Variants in CMSS1 observed in about 807,000 individuals in gnomAD.
CMSS1 encodes the protein protein CMSS1.
A neutral mutation model predicts 43.5 loss-of-function variants in CMSS1; 33 were observed. The observed-to-expected ratio is 0.76, with a 90% CI of 0.57 to 1.01. The LOEUF is 1.01. CMSS1 is among the 50% of genes least tolerant of loss of function. The probability of loss-of-function intolerance (pLI) is 0.00; values close to 1 mark genes in which losing one functional copy is unlikely to be tolerated. For missense variants in CMSS1, 313 were observed against 326.4 expected (o/e 0.96, Z 0.32); for synonymous variants, 115 against 117.2 (o/e 0.98, Z 0.12).
chr3:100,145,590 A>C (rs1244752348), intron 1 of CMSS1, among the ~76,000 whole-genome samples: 2 of 152,216 alleles, frequency 1.3e-5, no homozygotes, highest in Non-Finnish European at 1.5e-5. Context: ...TCTTCATGGC[A>C]AGTTGACAAA....
At chr3:100,168,744 T>C (rs1012989757) in intron 6 of CMSS1, among the ~76,000 whole-genome samples, 3 of 151,746 alleles carry the variant, frequency 2.0e-5, no homozygotes, top group African/African-American at 7.3e-5. Context: ...TGTGTTGTTT[T>C]TTTTTTTAAC....
rs368055286 is a variant in CMSS1 at position 99,833,203 on chromosome 3, G to A, written c.64+15160G>A. The stretch of plus-strand genomic sequence containing the variant: ...CAGTTCAACATGAAGACTGGGATTT[G>A]GAATGCCTTAAAAGTCTGAAGGATG... On this transcript the variant is annotated intron_variant, in intron 1 of 9. Transcript: ENST00000421999. 5.6e-6 allele frequency: 9 copies of A among 1,597,810 alleles called. No individual in the cohort carries two copies. The African/African-American group carries it at 1.1e-4, about 19-fold the overall frequency.
At chr3:99,855,268 G>T (rs970989547) in intron 1 of CMSS1, among the ~76,000 whole-genome samples, 22 of 152,094 alleles carry the variant, frequency 1.4e-4, no homozygotes, top group African/African-American at 5.3e-4. Flanking sequence ...GGAACAAAAT[G>T]ACTCAAAATG....
intron 1 of CMSS1, among the ~76,000 whole-genome samples, chr3:100,034,095 G>A (rs2065066438): frequency 6.6e-6 from 1 of 152,162 alleles, no homozygotes; most frequent in Non-Finnish European, 1.5e-5. Context: ...AAGAAAAGAA[G>A]TAATTTGCAT....
intron 1 of CMSS1, among the ~76,000 whole-genome samples, chr3:99,974,041 T>C (rs1256745880): frequency 6.6e-6 from 1 of 152,244 alleles, no homozygotes. Flanking sequence ...CTTCCAAGTT[T>C]AAGAACAAGA....
At chr3:99,843,182 T>G (rs1321310578) in intron 1 of CMSS1, among the ~76,000 whole-genome samples, 1 of 152,238 alleles carries the variant, frequency 6.6e-6, no homozygotes. Flanking sequence ...CTGCCTTATT[T>G]AATGTGTGTT....
intron 1 of CMSS1, among the ~76,000 whole-genome samples, chr3:100,002,419 A>G (rs1160969561): frequency 6.6e-6 from 1 of 152,182 alleles, no homozygotes; most frequent in Non-Finnish European, 1.5e-5. Context: ...CTATAATCTC[A>G]GGAGTGAATA....
chr3:99,821,261 G>C (rs1217795856), intron 1 of CMSS1, among the ~76,000 whole-genome samples: 2 of 152,224 alleles, frequency 1.3e-5, no homozygotes, highest in Non-Finnish European at 2.9e-5. Context: ...ATAAATATAT[G>C]TGTGTATGCG....
intron 1 of CMSS1, among the ~76,000 whole-genome samples, chr3:99,947,137 C>A (rs367869979): frequency 9.7e-3 from 854 of 88,496 alleles, no homozygotes; most frequent in South Asian, 0.013. Flanking sequence ...GACTCTGTCT[C>A]AAAAAAAAAA....
At chr3:100,045,838 AATG>A (rs1353489984) in intron 1 of CMSS1, among the ~76,000 whole-genome samples, 1 of 152,142 alleles carries the variant, frequency 6.6e-6, no homozygotes, top group African/African-American at 2.4e-5. Flanking sequence ...TGGCATTCCT[AATG>A]ATGATAATGA....
chr3:99,953,717 G>C (rs1161336724), intron 1 of CMSS1, among the ~76,000 whole-genome samples: 1 of 152,146 alleles, frequency 6.6e-6, no homozygotes, highest in Non-Finnish European at 1.5e-5. Flanking sequence ...GCTTTTCATA[G>C]ATAATGAAAC....
At chr3:99,929,521 T>C (rs1381802229) in intron 1 of CMSS1, among the ~76,000 whole-genome samples, 1 of 150,012 alleles carries the variant, frequency 6.7e-6, no homozygotes, top group African/African-American at 2.5e-5. Context: ...AGAGTGTGTG[T>C]GTGTGTGTGT....
At chr3:99,972,055 T>C (rs1022537459) in intron 1 of CMSS1, among the ~76,000 whole-genome samples, 1 of 152,186 alleles carries the variant, frequency 6.6e-6, no homozygotes, top group Admixed American at 6.5e-5. Context: ...GACTAAGCAG[T>C]TAAGTGAATC....
At chr3:100,127,117 G>A (rs370382982) in intron 1 of CMSS1, among the ~76,000 whole-genome samples, 4 of 152,264 alleles carry the variant, frequency 2.6e-5, no homozygotes, top group East Asian at 3.9e-4. Context: ...AATTGCTGAC[G>A]TCCAGCATAT....
intron 1 of CMSS1, among the ~76,000 whole-genome samples, chr3:99,984,828 A>T (rs1709283814): frequency 6.6e-6 from 1 of 152,242 alleles, no homozygotes; most frequent in Admixed American, 6.5e-5. Flanking sequence ...ATGTTTATTG[A>T]GTACATTCTT....
At chr3:99,895,399 A>G (rs1386660250) in intron 1 of CMSS1, among the ~76,000 whole-genome samples, 1 of 131,862 alleles carries the variant, frequency 7.6e-6, no homozygotes, top group Non-Finnish European at 1.6e-5. Context: ...TTTTTTTACT[A>G]TGTATCCCAT....
intron 1 of CMSS1, among the ~76,000 whole-genome samples, chr3:99,976,448 C>T (rs905567971): frequency 1.3e-5 from 2 of 152,140 alleles, no homozygotes; most frequent in Admixed American, 6.5e-5. Flanking sequence ...AGTAACCCCC[C>T]AAGAGAATTG....
intron 1 of CMSS1, among the ~76,000 whole-genome samples, chr3:99,856,263 G>A (rs903584961): frequency 1.3e-5 from 2 of 152,238 alleles, no homozygotes; most frequent in Non-Finnish European, 2.9e-5. Context: ...TGTTTTGAAA[G>A]TGTTGTTGGA....
chr3:100,114,999 G>T, intron 1 of CMSS1: 3 of 1,516,584 alleles, frequency 2.0e-6, no homozygotes, highest in South Asian at 2.4e-5. Flanking sequence ...ATGCATGGTG[G>T]TATGTTTATT....
Sources: allele counts gnomAD v4.1 joint callset (sites outside exome capture counted in the v4.1 genomes callset), GRCh38; gene constraint gnomAD v4.1.1; transcripts MANE v1.5; gene names NCBI Gene and HGNC (gene_info 2026-07-23, HGNC 2026-07-21).